The following CDYL2 variants were observed in gnomAD, a reference collection of about 807,000 sequenced individuals.
CDYL2 encodes the protein chromodomain Y like 2.
In CDYL2, 23 loss-of-function variants were observed where a neutral mutation model predicts 49.4. The observed-to-expected ratio is 0.47, with a 90% CI of 0.34 to 0.66. The LOEUF (loss-of-function observed/expected upper bound fraction) is 0.66. Ranked by LOEUF, CDYL2 falls within the 30% of genes least tolerant of loss-of-function variation. CDYL2 has a pLI of 0.01. For missense variants in CDYL2, 678 were observed against 656.4 expected (o/e 1.03, Z -0.36); for synonymous variants, 360 against 268.8 (o/e 1.34, Z -3.32).
At chr16:80,621,650 G>A (rs1907089883) in intron 3 of CDYL2, among the ~76,000 whole-genome samples, 1 of 152,210 alleles carries the variant, frequency 6.6e-6, no homozygotes, top group East Asian at 1.9e-4. Flanking sequence ...CACATTCCTG[G>A]GAGGTAGTGA....
At chr16:80,682,875 GCA>G (rs1910024695) in intron 2 of CDYL2, among the ~76,000 whole-genome samples, 1 of 152,178 alleles carries the variant, frequency 6.6e-6, no homozygotes, top group African/African-American at 2.4e-5. Context: ...ATGTTCACAG[GCA>G]CAGTCACGTC....
At position 80,724,880 on chromosome 16, in the gene CDYL2, T is replaced by A. The variant is rs578174836; in HGVS notation, c.25-39751A>T. 2.6e-5 allele frequency among the ~76,000 whole-genome samples: 4 copies of A among 152,336 alleles called. No homozygotes were observed. The East Asian group carries it at 7.7e-4, about 29-fold the overall frequency. ...TGACCCATGGCCAATGTGCTCTTCA[T>A]AGGGTGGCCAGGGGAATCTTTTAAA... On this transcript the variant is annotated intron_variant, in intron 1 of 6. Transcript: ENST00000570137.
intron 1 of CDYL2, among the ~76,000 whole-genome samples, chr16:80,709,561 GACACACAC>G (rs10673992): frequency 1.7e-3 from 250 of 143,752 alleles, no homozygotes; most frequent in Middle Eastern, 3.6e-3. Flanking sequence ...GGAATAAACA[GACACACAC>G]ACACACACAC....
At chr16:80,692,875 G>A (rs550882575) in intron 1 of CDYL2, among the ~76,000 whole-genome samples, 4 of 152,198 alleles carry the variant, frequency 2.6e-5, no homozygotes, top group South Asian at 2.1e-4. Flanking sequence ...AAAATGACAC[G>A]ATCAATGATC....
At chr16:80,772,052 C>T (rs745460303) in intron 1 of CDYL2, among the ~76,000 whole-genome samples, 1 of 152,142 alleles carries the variant, frequency 6.6e-6, no homozygotes, top group Non-Finnish European at 1.5e-5. Flanking sequence ...TGTAGCCCCA[C>T]AAACACCATG....
chr16:80,672,374 T>C (rs188233405), intron 2 of CDYL2, among the ~76,000 whole-genome samples: 50 of 114,204 alleles, frequency 4.4e-4, no homozygotes, highest in Admixed American at 1.6e-3. Context: ...GAGAGATGAG[T>C]AGAACAGGCT....
chr16:80,778,739 T>C lies in CDYL2; in HGVS notation c.24+25411A>G, dbSNP rs577976839. ...ATAAACAAAAAATTTTGGAAAGAAATGGACTTGAATTACCAAATAATAAAA... is the reference window on the plus strand; with the variant it reads ...ATAAACAAAAAATTTTGGAAAGAAACGGACTTGAATTACCAAATAATAAAA... On this transcript the variant is annotated intron_variant, in intron 1 of 6. Coordinates refer to ENST00000570137, the MANE Select transcript of CDYL2 (RefSeq NM_152342.4). Among the ~76,000 whole-genome samples the C allele has an allele frequency of 8.5e-5, 13 of 152,102 alleles. No homozygotes were observed. In the East Asian group the frequency reaches 1.5e-3, roughly 18 times the overall value.
chr16:80,800,235 G>A (rs981286120), intron 1 of CDYL2, among the ~76,000 whole-genome samples: 4 of 152,190 alleles, frequency 2.6e-5, no homozygotes, highest in Non-Finnish European at 5.9e-5. Flanking sequence ...TGCAAGAACA[G>A]CTATGAAAAC....
intron 4 of CDYL2, among the ~76,000 whole-genome samples, chr16:80,620,376 A>T (rs1041988746): frequency 1.3e-5 from 2 of 152,118 alleles, no homozygotes; most frequent in African/African-American, 4.8e-5. Context: ...AAACAACCAG[A>T]CAACCAGAGA....
Position 80,647,475 on chromosome 16 carries a change from T to A in CDYL2, c.617-14239A>T, listed in dbSNP as rs556351196. Among the ~76,000 whole-genome samples the A allele has an allele frequency of 3.9e-5, 6 of 152,226 alleles. No individual in the cohort carries two copies. In the South Asian group the frequency reaches 6.2e-4, roughly 16 times the overall value. On this transcript the variant is annotated intron_variant, in intron 2 of 6. Coordinates refer to ENST00000570137, the MANE Select transcript of CDYL2 (RefSeq NM_152342.4). ...ATTACATTACAGAGCTATCTTTATA[T>A]CTTCAGCAAGAAGATATAAAATTTT...
chr16:80,689,653 G>A lies in CDYL2; in HGVS notation c.25-4524C>T, dbSNP rs150183320. On this transcript the variant is annotated intron_variant, in intron 1 of 6. Transcript: ENST00000570137. ...AACAGCAACAAGAGGAACGGATACT[G>A]AGGAAGGAAACGGCTTCACGGAAGT... is the stretch of plus-strand genomic sequence containing the variant. Among the ~76,000 whole-genome samples, 624 of 152,352 alleles carry A rather than the reference G, an allele frequency of 4.1e-3. 4 individuals carry two copies. Among genetic ancestry groups the A allele is most frequent in the Middle Eastern group, 0.01 (3 of 294 alleles).
chr16:80,659,584 T>C (rs72806147), intron 2 of CDYL2, among the ~76,000 whole-genome samples: 4,213 of 152,020 alleles, frequency 0.028, 78 homozygotes, highest in Middle Eastern at 0.037. Flanking sequence ...AATTTGTATA[T>C]AGTTTATATA....
At chr16:80,775,762 C>A (rs193225759) in intron 1 of CDYL2, among the ~76,000 whole-genome samples, 1 of 151,864 alleles carries the variant, frequency 6.6e-6, no homozygotes, top group Non-Finnish European at 1.5e-5. Flanking sequence ...GACTAACTCT[C>A]ATCTTATGGC....
chr16:80,617,206 C>T (rs1220230163), intron 4 of CDYL2, among the ~76,000 whole-genome samples: 2 of 152,186 alleles, frequency 1.3e-5, no homozygotes, highest in Admixed American at 6.5e-5. Context: ...GTCCCAGTCA[C>T]GTGTATGCAA....
intron 1 of CDYL2, among the ~76,000 whole-genome samples, chr16:80,744,143 T>C (rs542571688): frequency 1.6e-4 from 25 of 152,290 alleles, no homozygotes; most frequent in African/African-American, 6.0e-4. Flanking sequence ...TCATCAAAGC[T>C]ACACAGAAGC....
chr16:80,658,509 T>C (rs1319665417), intron 2 of CDYL2, among the ~76,000 whole-genome samples: 2 of 152,132 alleles, frequency 1.3e-5, no homozygotes, highest in African/African-American at 2.4e-5. Flanking sequence ...GATTATTTTA[T>C]GAGTAGTTCA....
chr16:80,742,929 A>G (rs943084075), intron 1 of CDYL2, among the ~76,000 whole-genome samples: 2 of 149,832 alleles, frequency 1.3e-5, no homozygotes, highest in African/African-American at 4.9e-5. Flanking sequence ...ATGGATGAAT[A>G]AATGAAGGAC....
intron 3 of CDYL2, among the ~76,000 whole-genome samples, chr16:80,623,834 G>A (rs935884110): frequency 3.3e-5 from 5 of 152,130 alleles, no homozygotes; most frequent in African/African-American, 1.2e-4. Context: ...AAGCATCAGG[G>A]CTTTTCATCT....
intron 1 of CDYL2, among the ~76,000 whole-genome samples, chr16:80,798,715 G>A (rs571776453): frequency 1.3e-5 from 2 of 152,144 alleles, no homozygotes; most frequent in African/African-American, 4.8e-5. Context: ...AACATCAAAG[G>A]GGATCAGTGC....
Sources: allele counts gnomAD v4.1 joint callset (sites outside exome capture counted in the v4.1 genomes callset), GRCh38; gene constraint gnomAD v4.1.1; transcripts MANE v1.5; gene names NCBI Gene and HGNC (gene_info 2026-07-23, HGNC 2026-07-21).